The following GPC5 variants were observed in gnomAD, a reference collection of about 807,000 sequenced individuals.
GPC5 encodes the protein glypican 5, also known as glypican-5.
A neutral mutation model predicts 53.9 loss-of-function variants in GPC5; 47 were observed. That is an observed-to-expected ratio of 0.87 (90% confidence interval 0.69 to 1.11). The LOEUF (loss-of-function observed/expected upper bound fraction) is 1.11, where lower values mean the gene tolerates loss of function less well. GPC5 is among the 50% of genes most tolerant of loss of function. The pLI, the probability that GPC5 is intolerant of heterozygous loss-of-function variation, is 0.00. For missense variants in GPC5, 748 were observed against 713.1 expected (o/e 1.05, Z -0.56); for synonymous variants, 286 against 263.3 (o/e 1.09, Z -0.84).
At chr13:92,074,131 G>A (rs1158784542) in intron 6 of GPC5, among the ~76,000 whole-genome samples, 5 of 152,172 alleles carry the variant, frequency 3.3e-5, no homozygotes, top group African/African-American at 2.4e-5. Flanking sequence ...ATACATTGAG[G>A]ACACAAGTTT....
At chr13:92,226,840 T>A (rs2042490488) in intron 7 of GPC5, among the ~76,000 whole-genome samples, 1 of 151,976 alleles carries the variant, frequency 6.6e-6, no homozygotes, top group Non-Finnish European at 1.5e-5. Flanking sequence ...TCTCAGGCGA[T>A]CCATCTGCCT....
At chr13:92,306,362 A>G (rs1246578862) in intron 7 of GPC5, among the ~76,000 whole-genome samples, 1 of 152,194 alleles carries the variant, frequency 6.6e-6, no homozygotes, top group Non-Finnish European at 1.5e-5. Context: ...GATGTTTAAC[A>G]GGCTAAGAAA....
chr13:92,818,776 T>A (rs1877572532), intron 7 of GPC5, among the ~76,000 whole-genome samples: 1 of 152,046 alleles, frequency 6.6e-6, no homozygotes, highest in Admixed American at 6.5e-5. Context: ...CTTCCACCGT[T>A]CAAGTGTCTG....
At chr13:92,565,098 T>A in intron 7 of GPC5, among the ~76,000 whole-genome samples, 1 of 152,090 alleles carries the variant, frequency 6.6e-6, no homozygotes, top group East Asian at 1.9e-4. Flanking sequence ...TCATAAGCCA[T>A]TCTGGAGTCC....
intron 7 of GPC5, among the ~76,000 whole-genome samples, chr13:92,595,415 G>A (rs1039793166): frequency 2.0e-5 from 3 of 152,056 alleles, no homozygotes; most frequent in Non-Finnish European, 4.4e-5. Flanking sequence ...AGTAAGAGTC[G>A]CCTACCATAT....
intron 2 of GPC5, among the ~76,000 whole-genome samples, chr13:91,608,585 T>C (rs904460174): frequency 1.3e-5 from 2 of 152,184 alleles, no homozygotes; most frequent in Non-Finnish European, 2.9e-5. Flanking sequence ...CAGATAGGCA[T>C]GTTATGTAGG....
intron 7 of GPC5, among the ~76,000 whole-genome samples, chr13:92,238,543 T>A (rs1482446171): frequency 6.6e-6 from 1 of 152,084 alleles, no homozygotes; most frequent in East Asian, 1.9e-4. Context: ...TTTTAAAAAC[T>A]GGGTTATTTA....
intron 5 of GPC5, among the ~76,000 whole-genome samples, chr13:91,813,824 G>A (rs1382857653): frequency 1.3e-5 from 2 of 150,164 alleles, no homozygotes; most frequent in Non-Finnish European, 3.0e-5. Flanking sequence ...AGCTACTTAA[G>A]CATTTAAAAT....
intron 7 of GPC5, among the ~76,000 whole-genome samples, chr13:92,510,598 C>T (rs374371506): frequency 1.2e-4 from 18 of 152,072 alleles, no homozygotes; most frequent in African/African-American, 1.7e-4. Flanking sequence ...TCTTCTGTTA[C>T]GGAATTTATG....
At chr13:92,525,448 G>GTC (rs1438195673) in intron 7 of GPC5, among the ~76,000 whole-genome samples, 5 of 109,578 alleles carry the variant, frequency 4.6e-5, no homozygotes, top group African/African-American at 1.5e-4. Context: ...GTGTGTGTGT[G>GTC]TGTGTGTGTG....
At chr13:92,710,883 T>A (rs934991374) in intron 7 of GPC5, among the ~76,000 whole-genome samples, 6 of 152,212 alleles carry the variant, frequency 3.9e-5, no homozygotes, top group Non-Finnish European at 8.8e-5. Flanking sequence ...CAATGATGAA[T>A]TTGTTGAAAA....
chr13:92,762,960 T>G (rs749849577), intron 7 of GPC5, among the ~76,000 whole-genome samples: 3 of 152,102 alleles, frequency 2.0e-5, no homozygotes, highest in Non-Finnish European at 4.4e-5. Context: ...GTTTCCTTTT[T>G]TTTTATGATA....
At chr13:92,031,799 TAATATATAATATATTAC>T (rs2040849512) in intron 6 of GPC5, among the ~76,000 whole-genome samples, 2 of 105,442 alleles carry the variant, frequency 1.9e-5, no homozygotes, top group African/African-American at 4.1e-5. Context: ...ATATTATATA[TAATATATAATATATTAC>T]ATATTATATA....
chr13:92,426,574 G>T (rs540587997), intron 7 of GPC5, among the ~76,000 whole-genome samples: 4 of 151,960 alleles, frequency 2.6e-5, no homozygotes, highest in African/African-American at 9.7e-5. Context: ...AAAACAAAAT[G>T]CATAATCAAA....
intron 2 of GPC5, among the ~76,000 whole-genome samples, chr13:91,672,476 A>G (rs2035274146): frequency 6.6e-6 from 1 of 151,810 alleles, no homozygotes; most frequent in African/African-American, 2.4e-5. Context: ...CAACAAACAT[A>G]TGAAGAAAAG....
chr13:92,396,059 TTTC>T (rs1875256204), intron 7 of GPC5, among the ~76,000 whole-genome samples: 1 of 95,100 alleles, frequency 1.1e-5, no homozygotes, highest in South Asian at 3.3e-4. Context: ...CATTCTGTTG[TTTC>T]TTTTTTGCTC....
intron 5 of GPC5, among the ~76,000 whole-genome samples, chr13:91,781,443 G>T (rs183106718): frequency 6.6e-6 from 1 of 152,260 alleles, no homozygotes; most frequent in East Asian, 1.9e-4. Flanking sequence ...TTATTTATAA[G>T]GTATTCTTCA....
At chr13:91,974,240 T>C (rs1240854108) in intron 6 of GPC5, among the ~76,000 whole-genome samples, 2 of 152,172 alleles carry the variant, frequency 1.3e-5, no homozygotes, top group Admixed American at 1.3e-4. Context: ...ACCGCTCCTA[T>C]TCAACATAGT....
intron 7 of GPC5, among the ~76,000 whole-genome samples, chr13:92,585,288 G>A (rs1188072475): frequency 6.6e-6 from 1 of 152,174 alleles, no homozygotes; most frequent in African/African-American, 2.4e-5. Context: ...CCAAGACCAT[G>A]GGAACCCACA....
Sources: gnomAD v4.1 joint callset for allele counts (sites outside exome capture counted in the v4.1 genomes callset) on GRCh38, gnomAD v4.1.1 for gene constraint, MANE v1.5 for transcripts, NCBI Gene and HGNC (gene_info 2026-07-23, HGNC 2026-07-21) for gene names.